PKD1: variants seen among roughly 807,000 people sequenced by gnomAD.
PKD1 encodes the protein polycystin 1, transient receptor potential channel interacting.
Under a neutral mutation model 361.7 loss-of-function variants are expected in PKD1, and 81 were observed. That is an observed-to-expected ratio of 0.22 (90% CI 0.19 to 0.27). The LOEUF is 0.27. PKD1 is among the 10% of genes least tolerant of loss of function. The pLI is 1.00. For missense variants in PKD1, 6,399 were observed against 6,118.3 expected, an observed-to-expected ratio of 1.05 and a Z score of -1.53; for synonymous variants, 3,615 against 2,818.3, an observed-to-expected ratio of 1.28 and a Z score of -8.95.
intron 5 of PKD1, 30 bp from the exon 6 acceptor site, chr16:2,117,702 C>T (rs1474339601): frequency 1.1e-5 from 17 of 1,529,544 alleles, no homozygotes; most frequent in Middle Eastern, 4.6e-4. Flanking sequence ...AGGGTGTCAA[C>T]GGTCAGTGTG....
At chr16:2,112,131 G>T (rs1001022428) in intron 14 of PKD1, among the ~76,000 whole-genome samples, 1 of 152,192 alleles carries the variant, frequency 6.6e-6, no homozygotes, top group Non-Finnish European at 1.5e-5. Flanking sequence ...CGGGGAGGGC[G>T]GGGGGCGCAG....
Position 2,106,126 on chromosome 16 carries a change from C to T in PKD1, c.7668G>A (p.Gln2556=), listed in dbSNP as rs781614596. 2.0e-5 allele frequency: 32 copies of T among 1,605,888 alleles called. No homozygotes were observed. Among genetic ancestry groups the T allele is most frequent in the South Asian group, 5.5e-5 (5 of 90,678 alleles). Residue 2556 remains glutamine (Q), a synonymous_variant, in exon 19 of 46, where the codon CAG becomes CAA. Transcript: ENST00000262304. This position sits in a 1 kb window ranked among gnomAD's most constrained non-coding sequence, Gnocchi z 6.5. The part of the protein sequence containing the change: ...HFEVGLAVVV[Q]DQLGAAVVAL... ...CGACCACAGCGGCTCCCAGCTGGTC[C>T]TGCACCACCACGGCCAGGCCCACCT...
chr16:2,119,687 C>T, intron 1 of PKD1: 2 of 607,148 alleles, frequency 3.3e-6, no homozygotes, highest in East Asian at 5.5e-5. Flanking sequence ...CCACGCAGGG[C>T]CAAGGCCCCC....
At position 2,100,675 on chromosome 16, in the gene PKD1, G is replaced by T; in HGVS notation, c.9398-109C>A. ...CTGTGCGCACTCAAGGAGCCACACA[G>T]GCAGTCCCGGCTTTGCACGGCTCTG... On this transcript the variant is annotated intron_variant, in intron 26 of 45. Transcript: ENST00000262304. This position sits in a 1 kb window ranked among gnomAD's most constrained non-coding sequence, Gnocchi z 4.4. The T allele has an allele frequency of 1.1e-6, 1 of 915,822 alleles. No homozygotes were observed. The highest frequency in any genetic ancestry group is 1.7e-6 in the Non-Finnish European group (1 of 579,950). 56.7% of individuals were successfully genotyped at this position (915,822 alleles called of 1,614,324 possible). A position where few individuals can be genotyped will look rare whatever the true frequency, so the allele number is the denominator to read the frequency against.
intron 1 of PKD1, among the ~76,000 whole-genome samples, chr16:2,125,300 T>A (rs912007973): frequency 2.7e-5 from 4 of 150,896 alleles, no homozygotes; most frequent in Non-Finnish European, 5.9e-5. Flanking sequence ...GCCACAACCC[T>A]GGCCCCACGA....
chr16:2,092,553 C>T lies in PKD1; in HGVS notation c.11196G>A (p.Leu3732=). ...TGGACTGGTTCCCGTGGACGTAGGG[C>T]AGCAGCACGTGGGCCATCCATGGCC... ...ELWPWMAHVL[L]PYVHGNQSSP... Residue 3732 remains leucine, a synonymous_variant, in exon 39 of 46, where the codon CTG becomes CTA. Coordinates refer to ENST00000262304, the MANE Select transcript of PKD1 (RefSeq NM_001009944.3). The T allele has an allele frequency of 6.2e-7, 1 of 1,612,528 alleles. No individual in the cohort carries two copies. Among genetic ancestry groups the T allele is most frequent in the Non-Finnish European group, 8.5e-7 (1 of 1,179,816 alleles).
rs1347737395 is a variant in PKD1 at position 2,092,210 on chromosome 16, G to A, written c.11270-22C>T. On this transcript the variant is annotated intron_variant, in intron 39 of 45. Transcript: ENST00000262304. ...AGTGCTGAAACACACAGAGCCCCAG[G>A]CCGGGGCCAGGGCCTCATCAAAACC... is the stretch of plus-strand genomic sequence containing the variant. 5 of 1,569,510 alleles carry A rather than the reference G, an allele frequency of 3.2e-6. No individual in the cohort carries two copies. In the Admixed American group the frequency reaches 7.5e-5, roughly 23 times the overall value.
In PKD1 at chr16:2,108,343, A is replaced by G. The variant is rs750024103; in HGVS notation, c.6824T>C (p.Val2275Ala). 1 of 1,608,558 alleles carries G rather than the reference A, an allele frequency of 6.2e-7. No homozygotes were observed. The highest frequency in any genetic ancestry group is 1.1e-5 in the South Asian group (1 of 90,968). The change falls in exon 15 of 46, where the codon GTG becomes GCG. Residue 2275 changes from valine to alanine, a missense_variant. Coordinates refer to ENST00000262304, the MANE Select transcript of PKD1 (RefSeq NM_001009944.3). ...YRVWSDTRDL[V>A]LDGSESYDPN... ...GTCGTAGGACTCGCTCCCATCCAGC[A>G]CCAGGTCCCGTGTGTCTGACCACAC...
intron 9 of PKD1, 90 bp from the exon 10 acceptor site, chr16:2,115,715 G>A: frequency 7.7e-7 from 1 of 1,294,134 alleles, no homozygotes; most frequent in Non-Finnish European, 1.1e-6. Context: ...TCCTGGCCTT[G>A]CTGTGAGGAC....
In PKD1 at chr16:2,093,842, A is replaced by G; in HGVS notation, c.10790T>C (p.Leu3597Pro). ...AWLLSSSASF[L>P]ASFLGWEPLK... Reference sequence around the variant, plus strand: ...TGGCTCCCAGCCGAGGAATGAGGCCAGGAAGCTGGCGCTGCTGGACAGGAG... The same window carrying G: ...TGGCTCCCAGCCGAGGAATGAGGCCGGGAAGCTGGCGCTGCTGGACAGGAG... The change falls in exon 36 of 46, where the codon CTG becomes CCG. Residue 3597 changes from leucine to proline, a missense_variant. Transcript: ENST00000262304. The G allele has an allele frequency of 6.4e-7, 1 of 1,563,916 alleles. No homozygotes were observed. Among genetic ancestry groups the G allele is most frequent in the Non-Finnish European group, 8.6e-7 (1 of 1,160,340 alleles).
intron 36 of PKD1, 24 bp downstream of exon 36, chr16:2,093,787 G>A (rs1252300960): frequency 6.4e-7 from 1 of 1,555,498 alleles, no homozygotes; most frequent in Non-Finnish European, 8.7e-7. Flanking sequence ...GAGGCCTGTA[G>A]CCTACCCCTG....
chr16:2,131,618 A>C (rs1261889977), intron 1 of PKD1, among the ~76,000 whole-genome samples: 42 of 152,122 alleles, frequency 2.8e-4, no homozygotes, highest in Non-Finnish European at 1.5e-5. Context: ...CAAGAGTTCA[A>C]GACCAGCCTG....
At chr16:2,129,429 G>C (rs1056119884) in intron 1 of PKD1, among the ~76,000 whole-genome samples, 24 of 151,990 alleles carry the variant, frequency 1.6e-4, no homozygotes, top group African/African-American at 5.1e-4. Flanking sequence ...CGCCCGGCTG[G>C]ACAGTGGTTT....
In PKD1 at chr16:2,090,035, C is replaced by G; in HGVS notation, c.12604G>C (p.Gly4202Arg). The change falls in exon 46 of 46, where the codon GGC becomes CGC. Residue 4202 changes from glycine (G) to arginine (R), a missense_variant. By Grantham distance (125) the Gly-to-Arg change is moderately radical. Transcript: ENST00000262304. The part of the protein sequence containing the change: ...SQLDGLSVSL[G>R]RLGTRCEPEP... Reference sequence around the variant, plus strand: ...GGCTCACACCTTGTCCCCAGCCGGCCCAGGCTCACGCTCAGCCCATCCAGC... The same window carrying G: ...GGCTCACACCTTGTCCCCAGCCGGCGCAGGCTCACGCTCAGCCCATCCAGC... The G allele has an allele frequency of 6.2e-7, 1 of 1,611,250 alleles. No individual in the cohort carries two copies. Among genetic ancestry groups the G allele is most frequent in the Non-Finnish European group, 8.5e-7 (1 of 1,179,348 alleles).
rs749172729 is a variant in PKD1, at chr16:2,118,115, G to T, written c.877C>A (p.His293Asn). ...PLASGQLAAF[H>N]IAAPLPVTAT... ...GTGACAGGGAGCGGGGCAGCGATGT[G>T]GAAGGCTGCTAGCTGGCCAGAGGCC... The change falls in exon 5 of 46, where the codon CAC becomes AAC. Residue 293 changes from histidine (H) to asparagine (N), a missense_variant. Physicochemically the swap from His to Asn is moderately conservative, Grantham distance 68. Coordinates refer to ENST00000262304, the MANE Select transcript of PKD1 (RefSeq NM_001009944.3). The surrounding 1 kb of genome is among the most constrained non-coding windows in gnomAD (Gnocchi z 6.0). The T allele has an allele frequency of 6.2e-7, 1 of 1,604,230 alleles. No homozygotes were observed. The highest frequency in any genetic ancestry group is 8.5e-7 in the Non-Finnish European group (1 of 1,177,354).
chr16:2,105,411 G>A lies in PKD1; in HGVS notation c.7927C>T (p.Arg2643Cys), dbSNP rs1452322332. ...KHERQHRAQI[R>C]KNITETLVSL... ...ACCAGAGTCTCCGTGATGTTCTTGC[G>A]TATCTGGGCTCGGTGCTGCCGCTCG... Residue 2643 changes from arginine to cysteine, a missense_variant, in exon 21 of 46, where the codon CGC (arginine) becomes TGC (cysteine). Transcript: ENST00000262304. 4 of 1,584,892 alleles carry A rather than the reference G, an allele frequency of 2.5e-6. No individual in the cohort carries two copies. Among genetic ancestry groups the A allele is most frequent in the Admixed American group, 1.7e-5 (1 of 59,964 alleles).
At chr16:2,098,718 C>T (rs906174045) in intron 30 of PKD1, 4 of 145,530 alleles carry the variant, frequency 2.7e-5, no homozygotes, top group African/African-American at 1.1e-4. Flanking sequence ...GGAAGCGTTC[C>T]CACCTGCTGT....
intron 8 of PKD1, among the ~76,000 whole-genome samples, 170 bp downstream of exon 8, chr16:2,116,359 T>C (rs1168003389): frequency 1.3e-5 from 2 of 152,148 alleles, no homozygotes; most frequent in Admixed American, 6.5e-5. Context: ...CTGGAGGTAA[T>C]GTGAGTAAAC....
chr16:2,098,936 T>C (rs1334379797), intron 30 of PKD1: 1 of 155,818 alleles, frequency 6.4e-6, no homozygotes, highest in Non-Finnish European at 1.4e-5. Context: ...GTTCATGCCA[T>C]TCTCCTGCCT....
Sources: gnomAD v4.1 joint callset for allele counts (sites outside exome capture counted in the v4.1 genomes callset) on GRCh38, gnomAD v4.1.1 for gene constraint, Gnocchi (gnomAD v3.1) non-coding constraint, MANE v1.5 for transcripts, NCBI Gene and HGNC (gene_info 2026-07-23, HGNC 2026-07-21) for gene names.